DPP10: variants seen among roughly 807,000 people sequenced by gnomAD.
DPP10 encodes inactive dipeptidyl peptidase 10.
In DPP10, 33 loss-of-function variants were observed where a neutral mutation model predicts 120.9. That is an observed-to-expected ratio of 0.27 (90% CI 0.21 to 0.37). The LOEUF is 0.37. Among genes scored for constraint, DPP10 ranks in the 10% least tolerant of loss-of-function variants. The pLI, the probability that DPP10 is intolerant of heterozygous loss-of-function variation, is 1.00. For missense variants in DPP10, 816 were observed against 942.8 expected (o/e 0.87, Z 1.76); for synonymous variants, 337 against 326.1 (o/e 1.03, Z -0.36).
At chr2:115,266,035 G>A (rs113049416) in intron 1 of DPP10, among the ~76,000 whole-genome samples, 9,384 of 151,936 alleles carry the variant, frequency 0.062, 341 homozygotes, top group Middle Eastern at 0.11. Context: ...AGAAGAGGTA[G>A]GACTTGAATT....
rs186990165 is a variant in DPP10 at position 115,698,410 on chromosome 2, T to C, written c.576+8489T>C. On this transcript the variant is annotated intron_variant, in intron 7 of 25. Transcript: ENST00000410059. ...ATACTTACTGCTGTGGAATTAATGGTGTTCCCACAAAATTTATGTTGAAGC... is the reference window on the plus strand; with the variant it reads ...ATACTTACTGCTGTGGAATTAATGGCGTTCCCACAAAATTTATGTTGAAGC... Among the ~76,000 whole-genome samples, 463 of 152,324 alleles carry C rather than the reference T, an allele frequency of 3.0e-3. 2 individuals are homozygous for C. Among genetic ancestry groups the C allele is most frequent in the South Asian group, 0.022 (104 of 4,830 alleles).
intron 1 of DPP10, among the ~76,000 whole-genome samples, chr2:114,930,909 G>A (rs2104498325): frequency 6.6e-6 from 1 of 152,256 alleles, no homozygotes; most frequent in Admixed American, 6.5e-5. Flanking sequence ...CTGCAAGAAT[G>A]GCAGCAAGCA....
intron 1 of DPP10, among the ~76,000 whole-genome samples, chr2:115,201,140 A>G (rs1008439168): frequency 2.6e-5 from 4 of 152,214 alleles, no homozygotes; most frequent in African/African-American, 7.2e-5. Context: ...TCTTTGGTCA[A>G]CACAGCCAAA....
chr2:114,861,966 T>C (rs1008245581), intron 1 of DPP10, among the ~76,000 whole-genome samples: 8 of 152,136 alleles, frequency 5.3e-5, no homozygotes, highest in African/African-American at 1.7e-4. Flanking sequence ...AATGAGTGAA[T>C]AATTTTTTTA....
At chr2:115,179,207 G>T (rs2053909707) in intron 1 of DPP10, among the ~76,000 whole-genome samples, 1 of 152,014 alleles carries the variant, frequency 6.6e-6, no homozygotes, top group African/African-American at 2.4e-5. Flanking sequence ...TTCATGTTAA[G>T]GAAACAATAA....
intron 5 of DPP10, chr2:115,579,037 A>G (rs2081857438): frequency 6.6e-6 from 1 of 152,194 alleles, no homozygotes; most frequent in South Asian, 2.1e-4. Context: ...TATGTCAGAC[A>G]CTGTTATAAG....
chr2:115,352,762 G>C (rs1367255617), intron 3 of DPP10, among the ~76,000 whole-genome samples: 1 of 152,096 alleles, frequency 6.6e-6, no homozygotes, highest in Non-Finnish European at 1.5e-5. Context: ...GGGACAGAAA[G>C]TAGACATAAC....
chr2:115,833,208 A>G (rs1385559767), intron 21 of DPP10, among the ~76,000 whole-genome samples: 1 of 152,208 alleles, frequency 6.6e-6, no homozygotes, highest in African/African-American at 2.4e-5. Flanking sequence ...TAAATGTAAC[A>G]TAAGCTTTTA....
chr2:115,625,076 A>G lies in DPP10; in HGVS notation c.442-64611A>G, dbSNP rs150516719. Among the ~76,000 whole-genome samples the G allele has an allele frequency of 2.1e-5, 3 of 144,156 alleles. No homozygotes were observed. The East Asian group carries it at 6.1e-4, about 29-fold the overall frequency. 94.6% of individuals were successfully genotyped at this position (144,156 alleles called of 152,430 possible). On this transcript the variant is annotated intron_variant, in intron 5 of 25. Transcript: ENST00000410059. Reference sequence around the variant, plus strand: ...ATATGAATTACCTCTTTGGATAAATATATAAATGCTATTTAATAAAAAAAA... The same window carrying G: ...ATATGAATTACCTCTTTGGATAAATGTATAAATGCTATTTAATAAAAAAAA...
At chr2:115,416,826 C>T (rs571055025) in intron 3 of DPP10, among the ~76,000 whole-genome samples, 13 of 152,136 alleles carry the variant, frequency 8.5e-5, no homozygotes, top group Non-Finnish European at 1.6e-4. Flanking sequence ...TATGAGGCTG[C>T]GTTCCAGTTT....
chr2:114,654,313 G>A (rs570321569), intron 1 of DPP10, among the ~76,000 whole-genome samples: 70 of 152,196 alleles, frequency 4.6e-4, no homozygotes, highest in Non-Finnish European at 7.8e-4. Flanking sequence ...GACCCCCATC[G>A]TTGTCTTGGA....
intron 1 of DPP10, among the ~76,000 whole-genome samples, chr2:114,913,490 T>C (rs987925792): frequency 2.0e-5 from 3 of 152,198 alleles, no homozygotes; most frequent in Non-Finnish European, 4.4e-5. Context: ...ATTGCTGAGC[T>C]GAGCCTTGAC....
chr2:114,941,636 C>T (rs6723421), intron 1 of DPP10, among the ~76,000 whole-genome samples: 35,650 of 151,964 alleles, frequency 0.23, 4,255 homozygotes, highest in East Asian at 0.34. Flanking sequence ...TGAAAGTTGC[C>T]GTATTGCAAC....
At chr2:115,783,542 A>C (rs78960482) in intron 17 of DPP10, among the ~76,000 whole-genome samples, 2,997 of 152,258 alleles carry the variant, frequency 0.02, 94 homozygotes, top group African/African-American at 0.067. Context: ...TCATATAGAC[A>C]CTTAGTGCAT....
intron 1 of DPP10, among the ~76,000 whole-genome samples, chr2:114,857,550 A>G (rs1048736459): frequency 6.6e-6 from 1 of 152,170 alleles, no homozygotes; most frequent in East Asian, 1.9e-4. Context: ...CATGCTCTGT[A>G]GTTCACTTCC....
intron 5 of DPP10, among the ~76,000 whole-genome samples, chr2:115,624,467 G>C (rs371051798): frequency 2.0e-5 from 3 of 152,168 alleles, no homozygotes; most frequent in Non-Finnish European, 4.4e-5. Context: ...AATTAGAAGT[G>C]CAGAGAATGA....
chr2:115,521,092 A>G (rs1375571628), intron 4 of DPP10, among the ~76,000 whole-genome samples: 4 of 152,218 alleles, frequency 2.6e-5, no homozygotes, highest in Non-Finnish European at 5.9e-5. Flanking sequence ...CTTCAGAGAA[A>G]CACAATTTGA....
chr2:114,929,064 C>T (rs1226264579), intron 1 of DPP10, among the ~76,000 whole-genome samples: 1 of 152,108 alleles, frequency 6.6e-6, no homozygotes, highest in Admixed American at 6.6e-5. Flanking sequence ...GTAACATCAC[C>T]TATTGGTAGG....
At chr2:114,452,445 T>G (rs774191619) in intron 1 of DPP10, among the ~76,000 whole-genome samples, 3 of 152,284 alleles carry the variant, frequency 2.0e-5, no homozygotes, top group Non-Finnish European at 4.4e-5. Context: ...TGTGTTTCTA[T>G]AATCATAAAA....
Sources: gnomAD v4.1 joint callset for allele counts (sites outside exome capture counted in the v4.1 genomes callset) on GRCh38, gnomAD v4.1.1 for gene constraint, MANE v1.5 for transcripts, NCBI Gene and HGNC (gene_info 2026-07-23, HGNC 2026-07-21) for gene names.